HDAC7: variants seen among roughly 807,000 people sequenced by gnomAD.
The protein encoded by HDAC7 is histone deacetylase 7A.
In HDAC7, 26 loss-of-function variants were observed where a neutral mutation model predicts 115.5. That is an observed-to-expected ratio of 0.23 (90% CI 0.16 to 0.31). The LOEUF is 0.31. Ranked by LOEUF, HDAC7 falls within the 10% of genes least tolerant of loss-of-function variation. The pLI is 1.00. For synonymous variants in HDAC7, 564 were observed against 550.9 expected, an observed-to-expected ratio of 1.02 and a Z score of -0.33; for missense variants, 1,068 against 1,329.0, an observed-to-expected ratio of 0.80 and a Z score of 3.05.
intron 24 of HDAC7, chr12:47,784,924 C>T: frequency 4.5e-6 from 3 of 665,948 alleles, no homozygotes; most frequent in South Asian, 3.8e-5. Flanking sequence ...TGGGTCTTGA[C>T]ATAAGATGCT....
At position 47,789,320 on chromosome 12, in the gene HDAC7, T is replaced by C. The variant is rs752372773; in HGVS notation, c.2176A>G (p.Ile726Val). 3.7e-6 allele frequency: 6 copies of C among 1,613,894 alleles called. No individual in the cohort carries two copies. Among genetic ancestry groups the C allele is most frequent in the South Asian group, 3.3e-5 (3 of 91,092 alleles). ...MGFCFFNSVAIACRQLQQQSK... is the reference protein window; with the variant it reads ...MGFCFFNSVAVACRQLQQQSK... ...TGCTGTTGCAGCTGCCGGCAGGCGA[T>C]GGCCACTGAGTTGAAGAAGCAGAAG... The change falls in exon 19 of 26, where the codon ATC (isoleucine) becomes GTC (valine). Residue 726 changes from isoleucine to valine, a missense_variant. By Grantham distance (29) the Ile-to-Val change is conservative. Transcript: ENST00000080059.
chr12:47,811,323 G>C (rs559624403), intron 1 of HDAC7, among the ~76,000 whole-genome samples: 1 of 152,288 alleles, frequency 6.6e-6, no homozygotes, highest in African/African-American at 2.4e-5. Flanking sequence ...AATCCAGCTA[G>C]GGTGCTTACA....
At position 47,802,666 on chromosome 12, in the gene HDAC7, T is replaced by C. The variant is rs562453876; in HGVS notation, c.20-392A>G. Among the ~76,000 whole-genome samples, 3 of 151,030 alleles carry C rather than the reference T, an allele frequency of 2.0e-5. No homozygotes were observed. In the South Asian group the frequency reaches 6.3e-4, roughly 32 times the overall value. On this transcript the variant is annotated intron_variant, in intron 1 of 25. Transcript: ENST00000080059. ...GAAAGAAGAAGGCCAAGAGGTGAGG[T>C]GGGGCCAGAGGTGGGAGAGCCTGGC...
In HDAC7 at chr12:47,785,653, C is replaced by T. The variant is rs962491285; in HGVS notation, c.2706+99G>A. 47 of 1,463,768 alleles carry T rather than the reference C, an allele frequency of 3.2e-5. No individual in the cohort carries two copies. In the African/African-American group the frequency reaches 5.9e-4, roughly 18 times the overall value. 90.7% of individuals were successfully genotyped at this position (1,463,768 alleles called of 1,614,324 possible). A position where few individuals can be genotyped will look rare whatever the true frequency, so the allele number is the denominator to read the frequency against. ...CTACCTTGTTTCAGGCTTGGCCACT[C>T]CCACCCTGTCCCATCCCATCTGCCT... On this transcript the variant is annotated intron_variant, in intron 23 of 25. Transcript: ENST00000080059.
At chr12:47,809,795 T>G (rs1944574097) in intron 1 of HDAC7, among the ~76,000 whole-genome samples, 1 of 152,176 alleles carries the variant, frequency 6.6e-6, no homozygotes, top group African/African-American at 2.4e-5. Context: ...GGTCTCGAAC[T>G]CCCAGCCTCA....
intron 1 of HDAC7, among the ~76,000 whole-genome samples, chr12:47,808,527 C>T (rs1944506604): frequency 6.6e-6 from 1 of 152,170 alleles, no homozygotes; most frequent in Non-Finnish European, 1.5e-5. Flanking sequence ...CTGGGCCATT[C>T]TGAGTTGCGT....
In HDAC7 at chr12:47,788,096, C is replaced by A. The variant is rs763084704; in HGVS notation, c.2304G>T (p.Leu768=). Residue 768 remains leucine, a synonymous_variant, in exon 20 of 26, where the codon CTG becomes CTT. Transcript: ENST00000080059. Reference sequence around the variant, plus strand: ...AGAAGTTGCCGTCGTCATGGCGATGCAGGGAGATGTAGAGCACACTGGGGT... The same window carrying A: ...AGAAGTTGCCGTCGTCATGGCGATGAAGGGAGATGTAGAGCACACTGGGGT... ...YQDPSVLYIS[L]HRHDDGNFFP... 1.2e-6 allele frequency: 2 copies of A among 1,613,674 alleles called. No homozygotes were observed. The highest frequency in any genetic ancestry group is 2.7e-5 in the African/African-American group (2 of 75,042).
intron 1 of HDAC7, among the ~76,000 whole-genome samples, chr12:47,810,808 C>G (rs1296089717): frequency 3.7e-5 from 2 of 54,472 alleles, no homozygotes; most frequent in Admixed American, 2.9e-4. Flanking sequence ...GAAAAGGTCT[C>G]TCTCTCTCTC....
chr12:47,785,600 T>A (rs1197986157), intron 23 of HDAC7, 129 bp from the exon 24 acceptor site: 4 of 1,382,252 alleles, frequency 2.9e-6, no homozygotes, highest in Non-Finnish European at 3.9e-6. Context: ...TGCCTGGACC[T>A]AACTTGGAAC....
Position 47,797,048 on chromosome 12 carries a change from G to A in HDAC7, c.672C>T (p.Ser224=). Reference sequence around the variant, plus strand: ...GGGTCTCTGCGGGCCGCCGCCGGAGGCTGGGGGGCGCACTCTCCTTTCGGA... The same window carrying A: ...GGGTCTCTGCGGGCCGCCGCCGGAGACTGGGGGGCGCACTCTCCTTTCGGA... ...PLLRKESAPP[S]LRRRPAETLG... The change falls in exon 7 of 26, where the codon AGC becomes AGT. Residue 224 remains serine, a synonymous_variant. Transcript: ENST00000080059. This position sits in a 1 kb window ranked among gnomAD's most constrained non-coding sequence, Gnocchi z 5.5. 6.3e-7 allele frequency: 1 copy of A among 1,594,004 alleles called. No homozygotes were observed. The highest frequency in any genetic ancestry group is 8.5e-7 in the Non-Finnish European group (1 of 1,171,506).
rs778444496 is a variant in HDAC7, at chr12:47,803,027, T to G, written c.20-753A>C. ...AATCTGAGATAGAAATCTTTTCTTTTGGAAATGGCTACCTCTCTCAGGCTC... is the reference window on the plus strand; with the variant it reads ...AATCTGAGATAGAAATCTTTTCTTTGGGAAATGGCTACCTCTCTCAGGCTC... On this transcript the variant is annotated intron_variant, in intron 1 of 25. Coordinates refer to ENST00000080059, the MANE Select transcript of HDAC7 (RefSeq NM_015401.5). This position sits in a 1 kb window ranked among gnomAD's most constrained non-coding sequence, Gnocchi z 4.0. Among the ~76,000 whole-genome samples, 1 of 152,224 alleles carries G rather than the reference T, an allele frequency of 6.6e-6. No homozygotes were observed.
chr12:47,809,999 T>G (rs1287863504), intron 1 of HDAC7, among the ~76,000 whole-genome samples: 1 of 151,988 alleles, frequency 6.6e-6, no homozygotes, highest in Admixed American at 6.6e-5. Flanking sequence ...CAGACTGGAG[T>G]GCAGTGGCAC....
At position 47,795,723 on chromosome 12, in the gene HDAC7, C is replaced by T; in HGVS notation, c.951G>A (p.Gly317=). ...GAGTGTGGGGGCTCCCCAGGATTGG[C>T]CCCCGAGGGCCCAGAGTCGGATGGG... The part of the protein sequence containing the change: ...RRTHPTLGPR[G]PILGSPHTPL... Residue 317 remains glycine (G), a synonymous_variant, in exon 10 of 26, where the codon GGG becomes GGA. Coordinates refer to ENST00000080059, the MANE Select transcript of HDAC7 (RefSeq NM_015401.5). The surrounding 1 kb of genome is among the most constrained non-coding windows in gnomAD (Gnocchi z 4.3). 1 of 1,545,138 alleles carries T rather than the reference C, an allele frequency of 6.5e-7. No individual in the cohort carries two copies. The highest frequency in any genetic ancestry group is 8.7e-7 in the Non-Finnish European group (1 of 1,144,092).
intron 1 of HDAC7, chr12:47,819,065 A>T (rs1311356386): frequency 6.6e-6 from 1 of 152,398 alleles, no homozygotes; most frequent in East Asian, 1.9e-4. Flanking sequence ...CCCCTCACAC[A>T]GCCTGCGGCG....
chr12:47,791,160 A>G (rs1943476384), intron 16 of HDAC7, 99 bp downstream of exon 16: 2 of 1,189,270 alleles, frequency 1.7e-6, no homozygotes, highest in Admixed American at 2.0e-5. Context: ...GCAGAACCAC[A>G]ACAAGCAGAG....
intron 1 of HDAC7, among the ~76,000 whole-genome samples, chr12:47,813,826 G>A (rs1166025065): frequency 6.6e-6 from 1 of 152,204 alleles, no homozygotes; most frequent in Non-Finnish European, 1.5e-5. Context: ...CGGACCTGGA[G>A]TCAGGGCTCC....
intron 1 of HDAC7, chr12:47,817,623 G>A (rs1944886323): frequency 6.6e-6 from 1 of 152,340 alleles, no homozygotes; most frequent in Non-Finnish European, 1.5e-5. Context: ...AATGGGCACT[G>A]GCAGAGTGAG....
chr12:47,797,671 C>A lies in HDAC7; in HGVS notation c.462-172G>T, dbSNP rs1026925275. On this transcript the variant is annotated intron_variant, in intron 5 of 25. Coordinates refer to ENST00000080059, the MANE Select transcript of HDAC7 (RefSeq NM_015401.5). The surrounding 1 kb of genome is among the most constrained non-coding windows in gnomAD (Gnocchi z 5.5). ...GTGGCAGCAGTGGGCCGCCTGTCCG[C>A]TCCAGCAGCTATAGTGCAGAGCTCT... Among the ~76,000 whole-genome samples the A allele has an allele frequency of 1.2e-4, 19 of 152,306 alleles. No homozygotes were observed. Among genetic ancestry groups the A allele is most frequent in the South Asian group, 1.0e-3 (5 of 4,832 alleles).
chr12:47,797,855 G>GGGGTGTGTGTGT lies in HDAC7; in HGVS notation c.461+252_461+253insACACACACACCC, dbSNP rs577419391. Among the ~76,000 whole-genome samples the GGGGTGTGTGTGT allele has an allele frequency of 1.9e-4, 24 of 123,874 alleles. No homozygotes were observed. Among genetic ancestry groups the GGGGTGTGTGTGT allele is most frequent in the Non-Finnish European group, 2.5e-4 (15 of 60,004 alleles). The allele number at this position is 123,874 out of a possible 152,430, so 81.3% of individuals were successfully genotyped here. A position where few individuals can be genotyped will look rare whatever the true frequency, so the allele number is the denominator to read the frequency against. On this transcript the variant is annotated intron_variant, in intron 5 of 25. Coordinates refer to ENST00000080059, the MANE Select transcript of HDAC7 (RefSeq NM_015401.5). This position sits in a 1 kb window ranked among gnomAD's most constrained non-coding sequence, Gnocchi z 5.5. ...TCATGTGCAAGAAAAAAGCCAGTAGGGTGTGTGTGTGTGTGTGTGTGTGTG... is the reference window on the plus strand; with the variant it reads ...TCATGTGCAAGAAAAAAGCCAGTAGGGGGTGTGTGTGTGTGTGTGTGTGTGTGTGTGTGTGTG...
Sources: allele counts gnomAD v4.1 joint callset (sites outside exome capture counted in the v4.1 genomes callset), GRCh38; gene constraint gnomAD v4.1.1; non-coding constraint Gnocchi (gnomAD v3.1); transcripts MANE v1.5; gene names NCBI Gene and HGNC (gene_info 2026-07-23, HGNC 2026-07-21).